Variants in P2RY1 observed in about 807,000 individuals in gnomAD.
P2RY1 encodes purinergic receptor P2Y1.
In P2RY1, 14 loss-of-function variants were observed where a neutral mutation model predicts 22.8. The observed-to-expected ratio is 0.61, with a 90% CI of 0.41 to 0.96. The LOEUF (loss-of-function observed/expected upper bound fraction) is 0.96. Ranked by LOEUF, P2RY1 falls within the 40% of genes least tolerant of loss-of-function variation. The probability of loss-of-function intolerance (pLI) is 0.00; values close to 1 mark genes in which losing one functional copy is unlikely to be tolerated. For synonymous variants in P2RY1, 200 were observed against 195.1 expected (o/e 1.03, Z -0.21); for missense variants, 395 against 470.3 (o/e 0.84, Z 1.48).
chr3:152,835,300 C>A lies in P2RY1; in HGVS notation c.-483C>A, dbSNP rs1440001712. ...TTAGACGCCCCGAAACTGAGCTGCA[C>A]GTTTCTAAGGTAGGGAGGAGGAAGA... On this transcript the variant is annotated 5_prime_UTR_variant, in exon 1 of 1. Transcript: ENST00000305097. 9 of 155,720 alleles carry A rather than the reference C, an allele frequency of 5.8e-5. No individual in the cohort carries two copies. The Admixed American group carries it at 5.9e-4, about 10-fold the overall frequency. The allele number at this position is 155,720 out of a possible 1,614,324, so 9.6% of individuals were successfully genotyped here. A position where few individuals can be genotyped will look rare whatever the true frequency, so the allele number is the denominator to read the frequency against.
At position 152,837,096 on chromosome 3, in the gene P2RY1, TCTTC is replaced by T; in HGVS notation, c.*197_*200del. The T allele has an allele frequency of 3.4e-6, 2 of 588,738 alleles. No individual in the cohort carries two copies. The highest frequency in any genetic ancestry group is 6.1e-6 in the Non-Finnish European group (2 of 325,784). The allele number at this position is 588,738 out of a possible 1,614,324, so 36.5% of individuals were successfully genotyped here. A position where few individuals can be genotyped will look rare whatever the true frequency, so the allele number is the denominator to read the frequency against. ...TGTTTGGGTTTGCTTTCACAGTCTC[TCTTC>T]CTTCTGACTAGAAGTATGTATAATA... On this transcript the variant is annotated 3_prime_UTR_variant, in exon 1 of 1. Transcript: ENST00000305097.
rs1359566080 is a variant in P2RY1 at position 152,835,481 on chromosome 3, T to G, written c.-302T>G. 9.8e-6 allele frequency: 4 copies of G among 407,226 alleles called. No homozygotes were observed. The highest frequency in any genetic ancestry group is 1.8e-5 in the Non-Finnish European group (4 of 228,450). 25.2% of individuals were successfully genotyped at this position (407,226 alleles called of 1,614,324 possible). On this transcript the variant is annotated 5_prime_UTR_variant, in exon 1 of 1. Coordinates refer to ENST00000305097, the MANE Select transcript of P2RY1 (RefSeq NM_002563.5). ...CCTCGGGAAAGCGCAGTCGGAAAGTTATCCGCGGCGGTTCCCTGCGCGCCC... is the reference window on the plus strand; with the variant it reads ...CCTCGGGAAAGCGCAGTCGGAAAGTGATCCGCGGCGGTTCCCTGCGCGCCC...
At position 152,836,415 on chromosome 3, in the gene P2RY1, G is replaced by T; in HGVS notation, c.633G>T (p.Leu211=). Residue 211 remains leucine, a synonymous_variant, in exon 1 of 1, where the codon CTG becomes CTT. Transcript: ENST00000305097. The surrounding 1 kb of genome is among the most constrained non-coding windows in gnomAD (Gnocchi z 5.6). Reference sequence around the variant, plus strand: ...ACGACACCACCTCAGACGAGTACCTGCGAAGTTATTTCATCTACAGCATGT... The same window carrying T: ...ACGACACCACCTCAGACGAGTACCTTCGAAGTTATTTCATCTACAGCATGT... ...TCYDTTSDEY[L]RSYFIYSMCT... is the part of the protein sequence containing the mutation. The T allele has an allele frequency of 6.2e-7, 1 of 1,614,144 alleles. No individual in the cohort carries two copies. Among genetic ancestry groups the T allele is most frequent in the Non-Finnish European group, 8.5e-7 (1 of 1,180,028 alleles).
rs1409362451 is a variant in P2RY1, at chr3:152,840,136, C to A, written c.*3232C>A. 6.6e-6 allele frequency: 1 copy of A among 152,086 alleles called. No homozygotes were observed. Among genetic ancestry groups the A allele is most frequent in the Non-Finnish European group, 1.5e-5 (1 of 68,012 alleles). The allele number at this position is 152,086 out of a possible 1,614,324, so 9.4% of individuals were successfully genotyped here. On this transcript the variant is annotated 3_prime_UTR_variant, in exon 1 of 1. Coordinates refer to ENST00000305097, the MANE Select transcript of P2RY1 (RefSeq NM_002563.5). ...ATACTAATGTAAATTATATTTATTA[C>A]AATGTATGATATTAATGTGTCAAAC...
rs1288803648 is a variant in P2RY1 at position 152,837,659 on chromosome 3, A to G, written c.*755A>G. ...TAAAGTGCATGTATTTTCCTTGTAA[A>G]CACCATGAGCTCTCTTAGACATCTT... On this transcript the variant is annotated 3_prime_UTR_variant, in exon 1 of 1. Transcript: ENST00000305097. 6.0e-6 allele frequency: 1 copy of G among 167,060 alleles called. No individual in the cohort carries two copies. Among genetic ancestry groups the G allele is most frequent in the Non-Finnish European group, 1.5e-5 (1 of 68,118 alleles). 10.3% of individuals were successfully genotyped at this position (167,060 alleles called of 1,614,324 possible). A position where few individuals can be genotyped will look rare whatever the true frequency, so the allele number is the denominator to read the frequency against.
rs374496347 is a variant in P2RY1 at position 152,836,449 on chromosome 3, G to A, written c.667G>A (p.Val223Met). ...SYFIYSMCTTVAMFCVPLVLI... is the reference protein window; with the variant it reads ...SYFIYSMCTTMAMFCVPLVLI... ...TTTCATCTACAGCATGTGCACGACC[G>A]TGGCCATGTTCTGTGTCCCCTTGGT... Residue 223 changes from valine (V) to methionine (M), a missense_variant, in exon 1 of 1, where the codon GTG becomes ATG. Val to Met is a conservative substitution (Grantham distance 21). This residue lies in a region of P2RY1 where 291 missense variants were observed against 361.6 expected (regional missense o/e 0.80). Transcript: ENST00000305097. The surrounding 1 kb of genome is among the most constrained non-coding windows in gnomAD (Gnocchi z 5.6). The A allele has an allele frequency of 1.9e-5, 31 of 1,614,052 alleles. No homozygotes were observed. The Middle Eastern group carries it at 1.2e-3, about 60-fold the overall frequency.
Position 152,837,051 on chromosome 3 carries a change from GC to G in P2RY1, c.*150del. 2 of 643,908 alleles carry G rather than the reference GC, an allele frequency of 3.1e-6. No homozygotes were observed. Among genetic ancestry groups the G allele is most frequent in the Non-Finnish European group, 5.4e-6 (2 of 370,078 alleles). 39.9% of individuals were successfully genotyped at this position (643,908 alleles called of 1,614,324 possible). ...TTAAAAAAATAATAGAAGTAGAAAT[GC>G]CCACATCCACACTTAGCTTGTTTGG... On this transcript the variant is annotated 3_prime_UTR_variant, in exon 1 of 1. Coordinates refer to ENST00000305097, the MANE Select transcript of P2RY1 (RefSeq NM_002563.5).
chr3:152,836,718 A>T lies in P2RY1; in HGVS notation c.936A>T (p.Leu312=), dbSNP rs773997926. 2 of 1,614,090 alleles carry T rather than the reference A, an allele frequency of 1.2e-6. No individual in the cohort carries two copies. The highest frequency in any genetic ancestry group is 4.5e-5 in the East Asian group (2 of 44,900). Residue 312 remains leucine, a synonymous_variant, in exon 1 of 1, where the codon CTA becomes CTT. Coordinates refer to ENST00000305097, the MANE Select transcript of P2RY1 (RefSeq NM_002563.5). The surrounding 1 kb of genome is among the most constrained non-coding windows in gnomAD (Gnocchi z 5.6). Reference sequence around the variant, plus strand: ...CCACGTATCAGGTGACAAGAGGTCTAGCAAGTCTCAACAGTTGTGTGGACC... The same window carrying T: ...CCACGTATCAGGTGACAAGAGGTCTTGCAAGTCTCAACAGTTGTGTGGACC... ...VYATYQVTRG[L]ASLNSCVDPI...
rs900327592 is a variant in P2RY1 at position 152,836,034 on chromosome 3, C to T, written c.252C>T (p.Ser84=). The stretch of plus-strand genomic sequence containing the variant: ...TCGTCTTCCACATGAAGCCCTGGAG[C>T]GGCATCTCCGTGTACATGTTCAATT... ...WMFVFHMKPW[S]GISVYMFNLA... The change falls in exon 1 of 1, where the codon AGC becomes AGT. Residue 84 remains serine (S), a synonymous_variant. Coordinates refer to ENST00000305097, the MANE Select transcript of P2RY1 (RefSeq NM_002563.5). The surrounding 1 kb of genome is among the most constrained non-coding windows in gnomAD (Gnocchi z 5.6). The T allele has an allele frequency of 1.2e-6, 2 of 1,614,070 alleles. No homozygotes were observed. The highest frequency in any genetic ancestry group is 1.3e-5 in the African/African-American group (1 of 74,922).
rs1716236480 is a variant in P2RY1 at position 152,838,937 on chromosome 3, A to G, written c.*2033A>G. The G allele has an allele frequency of 6.6e-6, 1 of 152,194 alleles. No homozygotes were observed. The highest frequency in any genetic ancestry group is 2.4e-5 in the African/African-American group (1 of 41,444). The allele number at this position is 152,194 out of a possible 1,614,324, so 9.4% of individuals were successfully genotyped here. On this transcript the variant is annotated 3_prime_UTR_variant, in exon 1 of 1. Transcript: ENST00000305097. Reference sequence around the variant, plus strand: ...TTATTGACCTTGTTAAACAAGATCAATATCATTAAACTGACCAAGATGGAA... The same window carrying G: ...TTATTGACCTTGTTAAACAAGATCAGTATCATTAAACTGACCAAGATGGAA...
chr3:152,837,056 C>T lies in P2RY1; in HGVS notation c.*152C>T. 1 of 636,716 alleles carries T rather than the reference C, an allele frequency of 1.6e-6. No individual in the cohort carries two copies. The highest frequency in any genetic ancestry group is 2.8e-6 in the Non-Finnish European group (1 of 362,988). The allele number at this position is 636,716 out of a possible 1,614,324, so 39.4% of individuals were successfully genotyped here. A position where few individuals can be genotyped will look rare whatever the true frequency, so the allele number is the denominator to read the frequency against. On this transcript the variant is annotated 3_prime_UTR_variant, in exon 1 of 1. Transcript: ENST00000305097. ...AAAATAATAGAAGTAGAAATGCCCACATCCACACTTAGCTTGTTTGGGTTT... is the reference window on the plus strand; with the variant it reads ...AAAATAATAGAAGTAGAAATGCCCATATCCACACTTAGCTTGTTTGGGTTT...
In P2RY1 at chr3:152,840,448, A is replaced by G. The variant is rs1243038693; in HGVS notation, c.*3544A>G. 1 of 152,156 alleles carries G rather than the reference A, an allele frequency of 6.6e-6. No homozygotes were observed. Among genetic ancestry groups the G allele is most frequent in the African/African-American group, 2.4e-5 (1 of 41,442 alleles). 9.4% of individuals were successfully genotyped at this position (152,156 alleles called of 1,614,324 possible). A position where few individuals can be genotyped will look rare whatever the true frequency, so the allele number is the denominator to read the frequency against. ...ATGGGGTCTGTATTGTCTACATTTT[A>G]TATATTAAATAAAAGTTTTTGTTGT... On this transcript the variant is annotated 3_prime_UTR_variant, in exon 1 of 1. Coordinates refer to ENST00000305097, the MANE Select transcript of P2RY1 (RefSeq NM_002563.5).
chr3:152,836,909 A>C lies in P2RY1; in HGVS notation c.*5A>C, dbSNP rs766534183. The C allele has an allele frequency of 7.0e-5, 111 of 1,592,018 alleles. No homozygotes were observed. Among genetic ancestry groups the C allele is most frequent in the Non-Finnish European group, 8.6e-5 (100 of 1,167,818 alleles). On this transcript the variant is annotated 3_prime_UTR_variant, in exon 1 of 1. Coordinates refer to ENST00000305097, the MANE Select transcript of P2RY1 (RefSeq NM_002563.5). The surrounding 1 kb of genome is among the most constrained non-coding windows in gnomAD (Gnocchi z 5.6). ...AATGGAGATACAAGCCTGTGAAGGC[A>C]CAAGAATCTCCAAACACCTCTCTGT...
chr3:152,838,542 T>C lies in P2RY1; in HGVS notation c.*1638T>C, dbSNP rs1377710961. On this transcript the variant is annotated 3_prime_UTR_variant, in exon 1 of 1. Coordinates refer to ENST00000305097, the MANE Select transcript of P2RY1 (RefSeq NM_002563.5). The stretch of plus-strand genomic sequence containing the variant: ...CTTTACAAGTAGAGCAACATGGGGC[T>C]GTATGTTAAGGCAAGAAAGAACCTT... The C allele has an allele frequency of 6.6e-6, 1 of 152,190 alleles. No individual in the cohort carries two copies. The highest frequency in any genetic ancestry group is 1.5e-5 in the Non-Finnish European group (1 of 68,022). The allele number at this position is 152,190 out of a possible 1,614,324, so 9.4% of individuals were successfully genotyped here.
In P2RY1 at chr3:152,835,904, A is replaced by T. The variant is rs766253716; in HGVS notation, c.122A>T (p.Lys41Ile). The T allele has an allele frequency of 2.5e-6, 4 of 1,614,038 alleles. No individual in the cohort carries two copies. The highest frequency in any genetic ancestry group is 1.7e-6 in the Non-Finnish European group (2 of 1,180,042). ...ACTGCCGCCGTCTCCTCGTCGTTCA[A>T]ATGCGCCTTGACCAAGACGGGCTTC... ...ASTAAVSSSFKCALTKTGFQF... is the reference protein window; with the variant it reads ...ASTAAVSSSFICALTKTGFQF... Residue 41 changes from lysine to isoleucine, a missense_variant, in exon 1 of 1, where the codon AAA becomes ATA. Lys to Ile is a moderately radical substitution (Grantham distance 102, BLOSUM62 -3). This residue lies in a region of P2RY1 where 98 missense variants were observed against 87.7 expected (regional missense o/e 1.12). Transcript: ENST00000305097.
In P2RY1 at chr3:152,835,617, C is replaced by G. The variant is rs1047585626; in HGVS notation, c.-166C>G. On this transcript the variant is annotated 5_prime_UTR_variant, in exon 1 of 1. Transcript: ENST00000305097. ...TCATGGCCCGCGGCGAACGCGGGGC[C>G]AGAGCTGGCGTGGGCGAGCCCCTGC... 1.8e-5 allele frequency: 12 copies of G among 650,726 alleles called. No homozygotes were observed. The highest frequency in any genetic ancestry group is 2.5e-5 in the Non-Finnish European group (10 of 401,164). The allele number at this position is 650,726 out of a possible 1,614,324, so 40.3% of individuals were successfully genotyped here. A position where few individuals can be genotyped will look rare whatever the true frequency, so the allele number is the denominator to read the frequency against.
At position 152,836,358 on chromosome 3, in the gene P2RY1, C is replaced by T. The variant is rs775571336; in HGVS notation, c.576C>T (p.Thr192=). 4 of 1,614,010 alleles carry T rather than the reference C, an allele frequency of 2.5e-6. No individual in the cohort carries two copies. Among genetic ancestry groups the T allele is most frequent in the East Asian group, 4.5e-5 (2 of 44,854 alleles). ...CCCCCATCCTCTTCTACTCAGGTAC[C>T]GGGGTCCGCAAAAACAAAACCATCA... The part of the protein sequence containing the change: ...AISPILFYSG[T]GVRKNKTITC... Residue 192 remains threonine (T), a synonymous_variant, in exon 1 of 1, where the codon ACC becomes ACT. Coordinates refer to ENST00000305097, the MANE Select transcript of P2RY1 (RefSeq NM_002563.5). This position sits in a 1 kb window ranked among gnomAD's most constrained non-coding sequence, Gnocchi z 5.6.
rs758295677 is a variant in P2RY1 at position 152,835,896 on chromosome 3, G to A, written c.114G>A (p.Ser38=). ...STVASTAAVS[S]SFKCALTKTG... is the part of the protein sequence containing the mutation. The stretch of plus-strand genomic sequence containing the variant: ...TCGCCTCCACTGCCGCCGTCTCCTC[G>A]TCGTTCAAATGCGCCTTGACCAAGA... Residue 38 remains serine, a synonymous_variant, in exon 1 of 1, where the codon TCG becomes TCA. Coordinates refer to ENST00000305097, the MANE Select transcript of P2RY1 (RefSeq NM_002563.5). 1.2e-5 allele frequency: 20 copies of A among 1,613,986 alleles called. No homozygotes were observed. The Admixed American group carries it at 3.3e-4, about 27-fold the overall frequency.
In P2RY1 at chr3:152,840,777, C is replaced by T. The variant is rs950067533; in HGVS notation, c.*3873C>T. The T allele has an allele frequency of 2.6e-5, 4 of 152,006 alleles. No homozygotes were observed. Among genetic ancestry groups the T allele is most frequent in the East Asian group, 3.8e-4 (2 of 5,204 alleles). The allele number at this position is 152,006 out of a possible 1,614,324, so 9.4% of individuals were successfully genotyped here. ...GAATTTTAAAGTAACACACTACCAGCGAGTTCAACACTGCTATTGATTTTA... is the reference window on the plus strand; with the variant it reads ...GAATTTTAAAGTAACACACTACCAGTGAGTTCAACACTGCTATTGATTTTA... On this transcript the variant is annotated 3_prime_UTR_variant, in exon 1 of 1. Coordinates refer to ENST00000305097, the MANE Select transcript of P2RY1 (RefSeq NM_002563.5).
Sources: gnomAD v4.1 joint callset for allele counts on GRCh38, gnomAD v4.1.1 for gene constraint, gnomAD v4.1.1 regional missense constraint, Gnocchi (gnomAD v3.1) non-coding constraint, MANE v1.5 for transcripts, NCBI Gene and HGNC (gene_info 2026-07-23, HGNC 2026-07-21) for gene names.